TGFBR1: variants seen among roughly 807,000 people sequenced by gnomAD.
TGFBR1 encodes TGF-beta receptor type-1.
Under a neutral mutation model 55.1 loss-of-function variants are expected in TGFBR1, and 20 were observed. The observed-to-expected ratio is 0.36, with a 90% CI of 0.26 to 0.53. The LOEUF is 0.53. Among genes scored for constraint, TGFBR1 ranks in the 20% least tolerant of loss-of-function variants. The pLI is 0.91. For missense variants in TGFBR1, 385 were observed against 617.6 expected (o/e 0.62, Z 3.99); for synonymous variants, 220 against 214.8 (o/e 1.02, Z -0.21).
chr9:99,117,388 G>A (rs985758400), intron 1 of TGFBR1, among the ~76,000 whole-genome samples: 3 of 151,750 alleles, frequency 2.0e-5, no homozygotes, highest in Non-Finnish European at 4.4e-5. Context: ...GTGAGCCACC[G>A]TGCCCGGCCT....
At chr9:99,116,955 T>C (rs1250283374) in intron 1 of TGFBR1, among the ~76,000 whole-genome samples, 2 of 152,166 alleles carry the variant, frequency 1.3e-5, no homozygotes, top group African/African-American at 2.4e-5. Context: ...AAAATGCAAA[T>C]ATAGAAATAA....
At chr9:99,107,755 C>T (rs1826455743) in intron 1 of TGFBR1, among the ~76,000 whole-genome samples, 1 of 152,242 alleles carries the variant, frequency 6.6e-6, no homozygotes, top group South Asian at 2.1e-4. Context: ...GGGGCCATCT[C>T]TGAGTATCCT....
chr9:99,104,731 G>A (rs1826346923), upstream of TGFBR1, among the ~76,000 whole-genome samples: 1 of 152,188 alleles, frequency 6.6e-6, no homozygotes, highest in Admixed American at 6.5e-5. Flanking sequence ...GAGGAGGTTA[G>A]AAGAAAAGAG....
intron 3 of TGFBR1, among the ~76,000 whole-genome samples, chr9:99,135,477 A>G (rs968737818): frequency 6.6e-6 from 1 of 152,220 alleles, no homozygotes; most frequent in African/African-American, 2.4e-5. Flanking sequence ...TACCGTGACC[A>G]TAATTAAGGA....
At position 99,114,539 on chromosome 9, in the gene TGFBR1, G is replaced by T. The variant is rs1023166958; in HGVS notation, c.97+9237G>T. On this transcript the variant is annotated intron_variant, in intron 1 of 8. Coordinates refer to ENST00000374994, the MANE Select transcript of TGFBR1 (RefSeq NM_004612.4). ...TGTTCTGAGGCTTCCCCTTTAACAC[G>T]TATTGAGGGTTCAATTTAGTGCTGC... 2.0e-5 allele frequency among the ~76,000 whole-genome samples: 3 copies of T among 152,278 alleles called. No individual in the cohort carries two copies. In the South Asian group the frequency reaches 6.2e-4, roughly 32 times the overall value.
chr9:99,143,077 A>G (rs925957011), intron 5 of TGFBR1, among the ~76,000 whole-genome samples: 7 of 152,178 alleles, frequency 4.6e-5, no homozygotes, highest in Admixed American at 4.6e-4. Flanking sequence ...AAACAAAAAC[A>G]AAAACAGTAG....
At chr9:99,107,217 T>G (rs1826439004) in intron 1 of TGFBR1, among the ~76,000 whole-genome samples, 1 of 152,210 alleles carries the variant, frequency 6.6e-6, no homozygotes, top group Non-Finnish European at 1.5e-5. Context: ...GCCTCCCCTG[T>G]TGGTTATGAT....
chr9:99,109,152 A>G (rs1334382368), intron 1 of TGFBR1, among the ~76,000 whole-genome samples: 1 of 152,172 alleles, frequency 6.6e-6, no homozygotes, highest in Non-Finnish European at 1.5e-5. Flanking sequence ...ACTTCACAGA[A>G]TTTATGAAAA....
chr9:99,105,829 C>G (rs947123721), intron 1 of TGFBR1, among the ~76,000 whole-genome samples: 4 of 152,136 alleles, frequency 2.6e-5, no homozygotes, highest in African/African-American at 9.7e-5. Flanking sequence ...CTCCGAGCCT[C>G]TAGGGCTTCG....
In TGFBR1 at chr9:99,130,904, G is replaced by A. The variant is rs1006990923; in HGVS notation, c.344-1605G>A. Among the ~76,000 whole-genome samples the A allele has an allele frequency of 4.6e-5, 7 of 152,110 alleles. No individual in the cohort carries two copies. In the South Asian group the frequency reaches 8.3e-4, roughly 18 times the overall value. On this transcript the variant is annotated intron_variant, in intron 2 of 8. Transcript: ENST00000374994. ...TTTTTAAAAATGCACTATTGAGAGC[G>A]AACAACAGACTGGATGCCATAATTT... is the stretch of plus-strand genomic sequence containing the variant.
chr9:99,126,940 T>A (rs892997671), intron 1 of TGFBR1, among the ~76,000 whole-genome samples: 2 of 152,144 alleles, frequency 1.3e-5, no homozygotes, highest in Middle Eastern at 3.2e-3. Flanking sequence ...AATAGACAAG[T>A]ATGTGAATTA....
intron 7 of TGFBR1, 135 bp downstream of exon 7, chr9:99,146,744 A>C (rs1827809859): frequency 5.9e-6 from 8 of 1,352,198 alleles, no homozygotes. Context: ...CAGAGAAAAC[A>C]AAGGCGATGA....
rs1478513297 is a variant in TGFBR1, at chr9:99,153,077, T to C, written c.*3772T>C. The C allele has an allele frequency of 1.3e-5, 3 of 225,752 alleles. No homozygotes were observed. The highest frequency in any genetic ancestry group is 8.8e-6 in the Non-Finnish European group (1 of 113,192). 14.0% of individuals were successfully genotyped at this position (225,752 alleles called of 1,614,324 possible). A position where few individuals can be genotyped will look rare whatever the true frequency, so the allele number is the denominator to read the frequency against. On this transcript the variant is annotated 3_prime_UTR_variant, in exon 9 of 9. Coordinates refer to ENST00000374994, the MANE Select transcript of TGFBR1 (RefSeq NM_004612.4). ...ATCATGAACCATGTTTTGATACCCC[T>C]TTTTCACGTTGTGCCAACGGAATAG...
chr9:99,119,272 A>G (rs1306360281), intron 1 of TGFBR1, among the ~76,000 whole-genome samples: 1 of 152,068 alleles, frequency 6.6e-6, no homozygotes, highest in Non-Finnish European at 1.5e-5. Flanking sequence ...TTCTCTTACC[A>G]CAGTTCCTTC....
intron 1 of TGFBR1, among the ~76,000 whole-genome samples, chr9:99,121,305 G>T (rs1826891730): frequency 6.6e-6 from 1 of 152,190 alleles, no homozygotes. Flanking sequence ...GAGAAGAACT[G>T]AGTATTTTGA....
In TGFBR1 at chr9:99,105,306, AGCGGCGGCGCGGCGGGCGG is replaced by A; in HGVS notation, c.97+8_97+26del. 1.0e-6 allele frequency: 1 copy of A among 976,628 alleles called. No homozygotes were observed. Among genetic ancestry groups the A allele is most frequent in the Non-Finnish European group, 1.2e-6 (1 of 827,506 alleles). 60.5% of individuals were successfully genotyped at this position (976,628 alleles called of 1,614,324 possible). A position where few individuals can be genotyped will look rare whatever the true frequency, so the allele number is the denominator to read the frequency against. On this transcript the variant is annotated splice_donor_5th_base_variant and intron_variant, in intron 1 of 8. Transcript: ENST00000374994. ...GCGCTGCTCCCGGGGGCGACGGGTGAGCGGCGGCGCGGCGGGCGGGCGACTGCGGGGCGCGCGGGCCGGA... is the reference window on the plus strand; with the variant it reads ...GCGCTGCTCCCGGGGGCGACGGGTGAGCGACTGCGGGGCGCGCGGGCCGGA...
At chr9:99,147,545 A>T in intron 7 of TGFBR1, 109 bp from the exon 8 acceptor site, 1 of 1,038,186 alleles carries the variant, frequency 9.6e-7, no homozygotes, top group Non-Finnish European at 1.4e-6. Flanking sequence ...TGTTCCACAT[A>T]CCTACTTTAG....
intron 3 of TGFBR1, among the ~76,000 whole-genome samples, chr9:99,136,219 G>T (rs575998167): frequency 6.6e-6 from 1 of 152,112 alleles, no homozygotes; most frequent in Admixed American, 6.6e-5. Context: ...ATAATACAGT[G>T]GATCAAGATT....
At chr9:99,125,973 A>G (rs888585500) in intron 1 of TGFBR1, among the ~76,000 whole-genome samples, 1 of 152,162 alleles carries the variant, frequency 6.6e-6, no homozygotes, top group Non-Finnish European at 1.5e-5. Flanking sequence ...AGCTATAAAT[A>G]GATTGATTTG....
Sources: allele counts gnomAD v4.1 joint callset (sites outside exome capture counted in the v4.1 genomes callset), GRCh38; gene constraint gnomAD v4.1.1; transcripts MANE v1.5; gene names NCBI Gene and HGNC (gene_info 2026-07-23, HGNC 2026-07-21).